PCDHA12: variants seen among roughly 807,000 people sequenced by gnomAD.
The protein encoded by PCDHA12 is protocadherin alpha 12, also known as protocadherin alpha-12.
Under a neutral mutation model 60.0 loss-of-function variants are expected in PCDHA12, and 44 were observed. The ratio of observed to expected loss-of-function variants is 0.73; its 90% CI spans 0.58 to 0.94. The LOEUF (loss-of-function observed/expected upper bound fraction) is 0.94, where lower values mean the gene tolerates loss of function less well. PCDHA12 is among the 40% of genes least tolerant of loss of function. The pLI, the probability that PCDHA12 is intolerant of heterozygous loss-of-function variation, is 0.00. For missense variants in PCDHA12, 1,276 were observed against 1,239.7 expected, an observed-to-expected ratio of 1.03 and a Z score of -0.44; for synonymous variants, 569 against 553.0, an observed-to-expected ratio of 1.03 and a Z score of -0.40.
At chr5:141,006,130 TAGAAAGCTTAAGC>T (rs2098257447) in intron 3 of PCDHA12, among the ~76,000 whole-genome samples, 1 of 150,362 alleles carries the variant, frequency 6.7e-6, no homozygotes. Context: ...CTCAAGGCAG[TAGAAAGCTTAAGC>T]AGAGGAGTGA....
At chr5:140,882,492 T>C (rs782572325) in intron 1 of PCDHA12, 1 of 1,614,090 alleles carries the variant, frequency 6.2e-7, no homozygotes, top group South Asian at 1.1e-5. Flanking sequence ...GGGGACCTTC[T>C]GGAGGTAAAT....
At chr5:140,965,609 G>T (rs568507618) in intron 1 of PCDHA12, among the ~76,000 whole-genome samples, 9 of 151,736 alleles carry the variant, frequency 5.9e-5, no homozygotes, top group Admixed American at 2.0e-4. Context: ...TGAAGACATT[G>T]TCATCCATTA....
At chr5:140,957,109 T>C (rs2095334016) in intron 1 of PCDHA12, among the ~76,000 whole-genome samples, 1 of 152,174 alleles carries the variant, frequency 6.6e-6, no homozygotes, top group Non-Finnish European at 1.5e-5. Context: ...ATGGACATGA[T>C]TCTGTGTGTT....
rs782761972 is a variant in PCDHA12, at chr5:140,927,978, T to C, written c.2367+50139T>C. 9.9e-6 allele frequency: 16 copies of C among 1,614,092 alleles called. No individual in the cohort carries two copies. In the East Asian group the frequency reaches 1.8e-4, roughly 18 times the overall value. ...CCCCTGGCACAGTGATTGCTCTCTTTAGTGTAAAGGATGAAGACCTCGATT... is the reference window on the plus strand; with the variant it reads ...CCCCTGGCACAGTGATTGCTCTCTTCAGTGTAAAGGATGAAGACCTCGATT... On this transcript the variant is annotated intron_variant, in intron 1 of 3. Coordinates refer to ENST00000398631, the MANE Select transcript of PCDHA12 (RefSeq NM_018903.4).
At chr5:140,992,017 CTGTGTGTGTGTGTG>C (rs10602499) in intron 3 of PCDHA12, among the ~76,000 whole-genome samples, 7 of 145,626 alleles carry the variant, frequency 4.8e-5, no homozygotes, top group East Asian at 2.0e-4. Context: ...AGAGGTGGCT[CTGTGTGTGTGTGTG>C]TGTGTGTGTG....
Position 140,877,183 on chromosome 5 carries a change from G to A in PCDHA12, c.1711G>A (p.Gly571Ser), listed in dbSNP as rs201399892. 787 of 1,613,846 alleles carry A rather than the reference G, an allele frequency of 4.9e-4. 5 individuals are homozygous for A. The African/African-American group carries it at 9.2e-3, about 19-fold the overall frequency. ...GCCGGCACTGCTGGCGACTCCGGCT[G>A]GCAGCGCAGGAGGCGCAGTTAGCGA... ...NAPALLATPA[G>S]SAGGAVSELV... Residue 571 changes from glycine to serine, a missense_variant, in exon 1 of 4, where the codon GGC becomes AGC. Physicochemically the swap from Gly to Ser is moderately conservative, Grantham distance 56 (BLOSUM62 0). Transcript: ENST00000398631.
At chr5:140,900,559 G>T (rs542075943) in intron 1 of PCDHA12, among the ~76,000 whole-genome samples, 1 of 152,196 alleles carries the variant, frequency 6.6e-6, no homozygotes, top group Admixed American at 6.5e-5. Context: ...TTACAGGCGT[G>T]AGCCACGGCA....
chr5:140,999,987 G>T (rs1033618024), intron 3 of PCDHA12, among the ~76,000 whole-genome samples: 6 of 152,042 alleles, frequency 3.9e-5, no homozygotes, highest in Non-Finnish European at 7.4e-5. Context: ...CGGCCTCTGG[G>T]TAGTGGTATT....
intron 1 of PCDHA12, among the ~76,000 whole-genome samples, chr5:140,946,042 C>T (rs967126849): frequency 4.6e-4 from 70 of 152,118 alleles, no homozygotes; most frequent in African/African-American, 1.6e-3. Flanking sequence ...AGTGAAGGGA[C>T]AATCCACAGA....
intron 1 of PCDHA12, among the ~76,000 whole-genome samples, chr5:140,975,707 A>C (rs1445809800): frequency 6.6e-6 from 1 of 152,204 alleles, no homozygotes; most frequent in African/African-American, 2.4e-5. Context: ...ATTTTACTTT[A>C]AATCTTAGAA....
rs782316296 is a variant in PCDHA12 at position 140,927,382 on chromosome 5, AG to A, written c.2367+49544del. Reference sequence around the variant, plus strand: ...CAATGGGATACTAAGCTACAGCCTAAGCCCCAGTCAGCACTTTCGCCTGGAC... The same window carrying A: ...CAATGGGATACTAAGCTACAGCCTAACCCCAGTCAGCACTTTCGCCTGGAC... On this transcript the variant is annotated intron_variant, in intron 1 of 3. Coordinates refer to ENST00000398631, the MANE Select transcript of PCDHA12 (RefSeq NM_018903.4). 6 of 1,614,012 alleles carry A rather than the reference AG, an allele frequency of 3.7e-6. No homozygotes were observed. The African/African-American group carries it at 8.0e-5, about 22-fold the overall frequency.
intron 1 of PCDHA12, among the ~76,000 whole-genome samples, chr5:140,880,366 C>A (rs2058318245): frequency 6.6e-6 from 1 of 152,052 alleles, no homozygotes; most frequent in African/African-American, 2.4e-5. Flanking sequence ...AGATGAAAAC[C>A]ATGAGAGAAT....
intron 1 of PCDHA12, among the ~76,000 whole-genome samples, chr5:140,888,280 C>T (rs182771664): frequency 2.0e-5 from 3 of 152,210 alleles, no homozygotes; most frequent in African/African-American, 4.8e-5. Context: ...GTTTTGTCCC[C>T]TCTACCCCCT....
intron 1 of PCDHA12, among the ~76,000 whole-genome samples, chr5:140,908,266 C>T (rs1281456045): frequency 1.3e-5 from 2 of 152,144 alleles, no homozygotes; most frequent in African/African-American, 4.8e-5. Context: ...AGGGAACTCC[C>T]CATGAGGCCA....
chr5:140,925,082 A>AAAGG (rs138596875), intron 1 of PCDHA12, among the ~76,000 whole-genome samples: 24,812 of 147,244 alleles, frequency 0.17, 2,350 homozygotes, highest in African/African-American at 0.25. Context: ...GCTCATCTGG[A>AAAGG]AAGGAAGGAA....
At chr5:140,952,797 C>T (rs782258698) in intron 1 of PCDHA12, among the ~76,000 whole-genome samples, 1 of 152,142 alleles carries the variant, frequency 6.6e-6, no homozygotes. Flanking sequence ...TTAACTGGCT[C>T]GCAGTTCTGC....
At chr5:140,956,474 C>G (rs1585669580) in intron 1 of PCDHA12, among the ~76,000 whole-genome samples, 1 of 152,160 alleles carries the variant, frequency 6.6e-6, no homozygotes, top group East Asian at 1.9e-4. Flanking sequence ...ATATGTTGAA[C>G]CAGTCTTGCA....
rs139314570 is a variant in PCDHA12, at chr5:140,952,780, A to G, written c.2368-26169A>G. 2.0e-3 allele frequency among the ~76,000 whole-genome samples: 310 copies of G among 152,316 alleles called. 3 individuals are homozygous for G. The highest frequency in any genetic ancestry group is 7.3e-3 in the African/African-American group (302 of 41,572). On this transcript the variant is annotated intron_variant, in intron 1 of 3. Transcript: ENST00000398631. ...CTGAGACTGGATAATTTAGAAAGAA[A>G]AGAGGTTTAACTGGCTCGCAGTTCT... is the stretch of plus-strand genomic sequence containing the variant.
At chr5:140,996,752 G>T (rs1454271001) in intron 3 of PCDHA12, among the ~76,000 whole-genome samples, 4 of 152,090 alleles carry the variant, frequency 2.6e-5, no homozygotes, top group African/African-American at 7.2e-5. Context: ...AATTATATCT[G>T]TGCAGGACTA....
Sources: gnomAD v4.1 joint callset for allele counts (sites outside exome capture counted in the v4.1 genomes callset) on GRCh38, gnomAD v4.1.1 for gene constraint, MANE v1.5 for transcripts, NCBI Gene and HGNC (gene_info 2026-07-23, HGNC 2026-07-21) for gene names.